Variants in THADA observed in about 807,000 individuals in gnomAD.
The protein encoded by THADA is THADA armadillo repeat containing.
THADA carries 213 observed loss-of-function variants against 219.8 expected under a neutral mutation model. The ratio of observed to expected loss-of-function variants is 0.97; its 90% CI spans 0.87 to 1.09. The LOEUF (loss-of-function observed/expected upper bound fraction) is 1.09. Ranked by LOEUF, THADA falls within the 50% of genes least tolerant of loss-of-function variation. The probability of loss-of-function intolerance (pLI) is 0.00; values close to 1 mark genes in which losing one functional copy is unlikely to be tolerated. For missense variants in THADA, 2,956 were observed against 2,311.3 expected, an observed-to-expected ratio of 1.28 and a Z score of -5.72; for synonymous variants, 1,018 against 828.9, an observed-to-expected ratio of 1.23 and a Z score of -3.92.
intron 26 of THADA, among the ~76,000 whole-genome samples, chr2:43,461,291 C>T (rs1182175094): frequency 6.6e-6 from 1 of 152,168 alleles, no homozygotes; most frequent in Admixed American, 6.5e-5. Flanking sequence ...AAAACCAACA[C>T]ATTTTCATAG....
intron 22 of THADA, among the ~76,000 whole-genome samples, chr2:43,514,857 C>T (rs183796767): frequency 0.019 from 1,145 of 61,384 alleles, 72 homozygotes; most frequent in African/African-American, 0.069. Context: ...ATAATATGTA[C>T]AATATATATT....
At chr2:43,580,024 C>CTTTTTTTTT (rs34171011) in intron 8 of THADA, among the ~76,000 whole-genome samples, 6 of 122,836 alleles carry the variant, frequency 4.9e-5, no homozygotes, top group African/African-American at 6.4e-5. Context: ...AAAGCTACTT[C>CTTTTTTTTT]TTTTTTTTTT....
chr2:43,591,812 C>G, intron 3 of THADA, 140 bp downstream of exon 3: 1 of 484,692 alleles, frequency 2.1e-6, no homozygotes, highest in Non-Finnish European at 3.4e-6. Flanking sequence ...ATACAATAAA[C>G]AGAAAAAAAA....
intron 22 of THADA, among the ~76,000 whole-genome samples, chr2:43,517,430 G>T (rs914808619): frequency 6.6e-6 from 1 of 151,962 alleles, no homozygotes; most frequent in Non-Finnish European, 1.5e-5. Flanking sequence ...ACTGAGTAAG[G>T]GTAAGCCTCT....
At chr2:43,539,321 T>C (rs1281085946) in intron 21 of THADA, among the ~76,000 whole-genome samples, 13 of 152,250 alleles carry the variant, frequency 8.5e-5, no homozygotes, top group African/African-American at 2.7e-4. Flanking sequence ...ATGTAAATGA[T>C]GTTCTTCTCT....
At chr2:43,439,917 G>C (rs1035387395) in intron 26 of THADA, among the ~76,000 whole-genome samples, 1 of 151,848 alleles carries the variant, frequency 6.6e-6, no homozygotes, top group African/African-American at 2.4e-5. Flanking sequence ...AAAATCGAAA[G>C]TCTTTTAAAA....
intron 35 of THADA, among the ~76,000 whole-genome samples, 198 bp downstream of exon 35, chr2:43,286,710 A>G (rs1035637673): frequency 1.3e-5 from 2 of 152,126 alleles, no homozygotes; most frequent in Non-Finnish European, 2.9e-5. Flanking sequence ...GGGTGACAAG[A>G]GTGAAACTCC....
At chr2:43,591,063 G>T in intron 3 of THADA, 109 bp from the exon 4 acceptor site, 1 of 1,032,776 alleles carries the variant, frequency 9.7e-7, no homozygotes, top group Non-Finnish European at 1.4e-6. Context: ...GCTCACCCCT[G>T]TAATCCCAAC....
chr2:43,561,969 C>A (rs185409288), intron 15 of THADA, among the ~76,000 whole-genome samples: 10 of 152,282 alleles, frequency 6.6e-5, no homozygotes, highest in Admixed American at 5.9e-4. Context: ...GTACTGAATT[C>A]TGTCAAATGC....
chr2:43,241,559 A>G (rs529075796), intron 36 of THADA, among the ~76,000 whole-genome samples: 1 of 148,850 alleles, frequency 6.7e-6, no homozygotes, highest in South Asian at 2.2e-4. Context: ...ACAGGGGTGC[A>G]AAGGGACTAT....
intron 28 of THADA, among the ~76,000 whole-genome samples, chr2:43,421,941 T>C (rs1453640929): frequency 3.3e-5 from 5 of 152,170 alleles, no homozygotes; most frequent in Non-Finnish European, 5.9e-5. Flanking sequence ...TGTACAAATA[T>C]TGTCACAGGA....
At chr2:43,250,837 A>T (rs1558468460) in intron 36 of THADA, among the ~76,000 whole-genome samples, 1 of 152,256 alleles carries the variant, frequency 6.6e-6, no homozygotes, top group Non-Finnish European at 1.5e-5. Flanking sequence ...GCGTTAAAGC[A>T]AAGGGAATGG....
At chr2:43,533,084 T>C (rs1490419176) in intron 21 of THADA, among the ~76,000 whole-genome samples, 5 of 152,062 alleles carry the variant, frequency 3.3e-5, no homozygotes, top group Non-Finnish European at 2.9e-5. Context: ...GCAAAGGATA[T>C]AAACAGACAC....
intron 21 of THADA, among the ~76,000 whole-genome samples, chr2:43,537,775 T>C (rs2103793271): frequency 6.6e-6 from 1 of 151,574 alleles, no homozygotes; most frequent in East Asian, 1.9e-4. Context: ...AAAACCAGCC[T>C]GGCAACATGG....
At chr2:43,549,483 T>C in intron 19 of THADA, 115 bp from the exon 20 acceptor site, 1 of 1,055,130 alleles carries the variant, frequency 9.5e-7, no homozygotes, top group Non-Finnish European at 1.3e-6. Context: ...ATCAGCTTTA[T>C]TAGAAGGGAC....
chr2:43,520,701 CGT>C (rs746145574), intron 22 of THADA, among the ~76,000 whole-genome samples: 6 of 111,934 alleles, frequency 5.4e-5, no homozygotes, highest in Admixed American at 8.4e-5. Context: ...AATATTTATA[CGT>C]ATATATATAT....
chr2:43,335,329 C>T (rs1424110895), intron 30 of THADA, among the ~76,000 whole-genome samples: 1 of 152,162 alleles, frequency 6.6e-6, no homozygotes, highest in East Asian at 1.9e-4. Context: ...GAGCTAAGCC[C>T]TCAACAAATG....
intron 36 of THADA, among the ~76,000 whole-genome samples, chr2:43,279,178 T>C (rs1388853361): frequency 6.6e-6 from 1 of 152,210 alleles, no homozygotes; most frequent in Non-Finnish European, 1.5e-5. Flanking sequence ...GGCCTGGGGC[T>C]GTAACCGCTT....
chr2:43,540,106 G>C (rs904964752), intron 21 of THADA, among the ~76,000 whole-genome samples: 1 of 152,240 alleles, frequency 6.6e-6, no homozygotes, highest in Non-Finnish European at 1.5e-5. Context: ...GTGAACATCA[G>C]TGAAGTAATC....
Sources: allele counts gnomAD v4.1 joint callset (sites outside exome capture counted in the v4.1 genomes callset), GRCh38; gene constraint gnomAD v4.1.1; transcripts MANE v1.5; gene names NCBI Gene and HGNC (gene_info 2026-07-23, HGNC 2026-07-21).